The following TNFRSF19 variants were observed in gnomAD, a reference collection of about 807,000 sequenced individuals.
TNFRSF19 encodes tumor necrosis factor receptor superfamily member 19.
In TNFRSF19, 27 loss-of-function variants were observed where a neutral mutation model predicts 46.4. The observed-to-expected ratio is 0.58, with a 90% CI of 0.43 to 0.80. The LOEUF (loss-of-function observed/expected upper bound fraction) is 0.80, where lower values mean the gene tolerates loss of function less well. Among genes scored for constraint, TNFRSF19 ranks in the 30% least tolerant of loss-of-function variants. The probability of loss-of-function intolerance (pLI) is 0.00; values close to 1 mark genes in which losing one functional copy is unlikely to be tolerated. For synonymous variants in TNFRSF19, 204 were observed against 205.0 expected (o/e 1.00, Z 0.04); for missense variants, 511 against 530.8 (o/e 0.96, Z 0.37).
At chr13:23,669,764 A>G in intron 9 of TNFRSF19, 1 of 956,896 alleles carries the variant, frequency 1.0e-6, no homozygotes, top group Non-Finnish European at 1.2e-6. Context: ...GGATTCAGGG[A>G]TAACTGGGCA....
At chr13:23,610,186 G>A (rs1331993202) in intron 3 of TNFRSF19, among the ~76,000 whole-genome samples, 1 of 152,174 alleles carries the variant, frequency 6.6e-6, no homozygotes, top group African/African-American at 2.4e-5. Flanking sequence ...TTCAACCCAA[G>A]GCCCAGAATG....
chr13:23,632,762 T>A (rs1323873716), intron 5 of TNFRSF19, among the ~76,000 whole-genome samples: 2 of 152,172 alleles, frequency 1.3e-5, no homozygotes, highest in African/African-American at 4.8e-5. Flanking sequence ...ATCTCTCCCT[T>A]GGAACTCATT....
intron 2 of TNFRSF19, among the ~76,000 whole-genome samples, chr13:23,592,101 C>T (rs138721052): frequency 2.6e-5 from 4 of 152,128 alleles, no homozygotes; most frequent in African/African-American, 9.6e-5. Flanking sequence ...AACCTTTGAC[C>T]TTAAAGAGGT....
intron 4 of TNFRSF19, among the ~76,000 whole-genome samples, chr13:23,620,121 T>G (rs1191621237): frequency 6.6e-6 from 1 of 152,244 alleles, no homozygotes; most frequent in Non-Finnish European, 1.5e-5. Context: ...CGTAATTACA[T>G]AGTGACTTTT....
intron 5 of TNFRSF19, among the ~76,000 whole-genome samples, chr13:23,642,418 G>T (rs1175487119): frequency 6.6e-6 from 1 of 152,184 alleles, no homozygotes; most frequent in Non-Finnish European, 1.5e-5. Context: ...AACCCTTTAT[G>T]TGCAGTACTT....
At chr13:23,671,485 A>G (rs1199441673) in intron 9 of TNFRSF19, among the ~76,000 whole-genome samples, 2 of 147,358 alleles carry the variant, frequency 1.4e-5, no homozygotes, top group Non-Finnish European at 3.0e-5. Flanking sequence ...CCATTTTACG[A>G]GATAATCATT....
Position 23,572,382 on chromosome 13 carries a change from G to A in TNFRSF19, c.-35+1534G>A, listed in dbSNP as rs77247936. ...AATCTTCCTTTTAATCACAAAAGTG[G>A]TATTAATGTTCACATTCAGATAAAG... On this transcript the variant is annotated intron_variant, in intron 1 of 9. Transcript: ENST00000248484. 9.8e-3 allele frequency among the ~76,000 whole-genome samples: 1,494 copies of A among 152,022 alleles called. 37 individuals are homozygous for A. The highest frequency in any genetic ancestry group is 0.09 in the East Asian group (466 of 5,170).
intron 1 of TNFRSF19, among the ~76,000 whole-genome samples, chr13:23,574,061 C>CAAAA (rs67057644): frequency 2.1e-5 from 2 of 95,370 alleles, no homozygotes; most frequent in Admixed American, 1.2e-4. Flanking sequence ...GACTCTGTCT[C>CAAAA]AAAAAAAAAA....
At position 23,668,025 on chromosome 13, in the gene TNFRSF19, G is replaced by C; in HGVS notation, c.782G>C (p.Ser261Thr). ...TCCATGTGCTGTGAGGAGGCCTGCA[G>C]CCCCAACCCGGCGACTCTTGGTTGT... The part of the protein sequence containing the change: ...LPSMCCEEAC[S>T]PNPATLGCGV... The change falls in exon 8 of 10, where the codon AGC becomes ACC. Residue 261 changes from serine (S) to threonine (T), a missense_variant. By Grantham distance (58) the Ser-to-Thr change is moderately conservative (BLOSUM62 1). This residue lies in a region of TNFRSF19 where 376 missense variants were observed against 372.7 expected (regional missense o/e 1.01). Transcript: ENST00000248484. 1 of 1,610,462 alleles carries C rather than the reference G, an allele frequency of 6.2e-7. No individual in the cohort carries two copies. The highest frequency in any genetic ancestry group is 8.5e-7 in the Non-Finnish European group (1 of 1,178,594).
intron 5 of TNFRSF19, among the ~76,000 whole-genome samples, chr13:23,644,190 G>A (rs1232049420): frequency 1.3e-5 from 2 of 152,160 alleles, no homozygotes; most frequent in Non-Finnish European, 2.9e-5. Context: ...GCTCACCATA[G>A]GGGAAAAGCT....
At chr13:23,593,991 T>C (rs2138190510) in intron 3 of TNFRSF19, among the ~76,000 whole-genome samples, 1 of 152,240 alleles carries the variant, frequency 6.6e-6, no homozygotes, top group Non-Finnish European at 1.5e-5. Context: ...ACCTGGGAAG[T>C]GCAAGGGGTC....
At chr13:23,588,531 A>G (rs996065804) in intron 1 of TNFRSF19, among the ~76,000 whole-genome samples, 1 of 152,102 alleles carries the variant, frequency 6.6e-6, no homozygotes, top group African/African-American at 2.4e-5. Context: ...TGACTTGTCA[A>G]TTTCTTTGTC....
Position 23,674,955 on chromosome 13 carries a change from G to A in TNFRSF19, c.*1575G>A, listed in dbSNP as rs1951808389. ...GTGTTTACTAGCTTGCCTGTGTCTGGTACATCTCATGACCTCAATTCCCTC... is the reference window on the plus strand; with the variant it reads ...GTGTTTACTAGCTTGCCTGTGTCTGATACATCTCATGACCTCAATTCCCTC... On this transcript the variant is annotated 3_prime_UTR_variant, in exon 10 of 10. Transcript: ENST00000248484. 1 of 152,064 alleles carries A rather than the reference G, an allele frequency of 6.6e-6. No individual in the cohort carries two copies. Among genetic ancestry groups the A allele is most frequent in the South Asian group, 2.1e-4 (1 of 4,828 alleles). The allele number at this position is 152,064 out of a possible 1,614,324, so 9.4% of individuals were successfully genotyped here.
chr13:23,671,266 A>G (rs1593307776), intron 9 of TNFRSF19, among the ~76,000 whole-genome samples: 1 of 152,330 alleles, frequency 6.6e-6, no homozygotes, highest in African/African-American at 2.4e-5. Context: ...TTATATCTAA[A>G]CTGAACCTGA....
chr13:23,655,699 TATA>T (rs1360473767), intron 5 of TNFRSF19, among the ~76,000 whole-genome samples: 1 of 152,142 alleles, frequency 6.6e-6, no homozygotes, highest in Non-Finnish European at 1.5e-5. Flanking sequence ...ACAAAAACTT[TATA>T]GAGTGGAAGC....
At chr13:23,622,126 C>T (rs1010968953) in intron 4 of TNFRSF19, among the ~76,000 whole-genome samples, 2 of 152,066 alleles carry the variant, frequency 1.3e-5, no homozygotes, top group African/African-American at 4.8e-5. Context: ...TCATTCAGGC[C>T]TGGCGTGGTG....
Position 23,593,449 on chromosome 13 carries a change from G to C in TNFRSF19, c.174G>C (p.Leu58Phe). ...PCNQCGPGME[L>F]SKECGFGYGE... Reference sequence around the variant, plus strand: ...ACCAGTGTGGGCCAGGCATGGAGTTGTCTAAGGTATATTGGATACATGGCA... The same window carrying C: ...ACCAGTGTGGGCCAGGCATGGAGTTCTCTAAGGTATATTGGATACATGGCA... Residue 58 changes from leucine (L) to phenylalanine (F), a missense_variant, in exon 3 of 10, where the codon TTG becomes TTC. Leu to Phe is a conservative substitution (Grantham distance 22, BLOSUM62 0). This residue lies in a region of TNFRSF19 where 121 missense variants were observed against 124.1 expected (regional missense o/e 0.98). Coordinates refer to ENST00000248484, the MANE Select transcript of TNFRSF19 (RefSeq NM_148957.4). 6.3e-7 allele frequency: 1 copy of C among 1,598,566 alleles called. No homozygotes were observed. The highest frequency in any genetic ancestry group is 8.5e-7 in the Non-Finnish European group (1 of 1,175,118).
Position 23,593,416 on chromosome 13 carries a change from T to C in TNFRSF19, c.141T>C (p.Val47=). The C allele has an allele frequency of 6.2e-7, 1 of 1,604,034 alleles. No homozygotes were observed. Among genetic ancestry groups the C allele is most frequent in the South Asian group, 1.1e-5 (1 of 88,344 alleles). The change falls in exon 3 of 10, where the codon GTT becomes GTC. Residue 47 remains valine, a synonymous_variant. Transcript: ENST00000248484. ...TCAGGGATCGGTCTGGAAACTGTGTTCCCTGCAACCAGTGTGGGCCAGGCA... is the reference window on the plus strand; with the variant it reads ...TCAGGGATCGGTCTGGAAACTGTGTCCCCTGCAACCAGTGTGGGCCAGGCA... ...QEFRDRSGNC[V]PCNQCGPGME...
chr13:23,667,759 C>A (rs556644779), intron 7 of TNFRSF19, among the ~76,000 whole-genome samples: 4 of 152,044 alleles, frequency 2.6e-5, no homozygotes, highest in South Asian at 2.1e-4. Context: ...TAGCATCCCC[C>A]CTTCTTCATC....
Sources: allele counts gnomAD v4.1 joint callset (sites outside exome capture counted in the v4.1 genomes callset), GRCh38; gene constraint gnomAD v4.1.1; regional missense constraint gnomAD v4.1.1; transcripts MANE v1.5; gene names NCBI Gene and HGNC (gene_info 2026-07-23, HGNC 2026-07-21).